Variants in CRMP1 observed in about 807,000 individuals in gnomAD.
CRMP1 encodes dihydropyrimidinase-related protein 1.
Under a neutral mutation model 68.3 loss-of-function variants are expected in CRMP1, and 19 were observed. That is an observed-to-expected ratio of 0.28 (90% CI 0.19 to 0.41). The LOEUF (loss-of-function observed/expected upper bound fraction) is 0.41, where lower values mean the gene tolerates loss of function less well. Ranked by LOEUF, CRMP1 falls within the 10% of genes least tolerant of loss-of-function variation. The probability of loss-of-function intolerance (pLI) is 1.00; values close to 1 mark genes in which losing one functional copy is unlikely to be tolerated. For missense variants in CRMP1, 791 were observed against 967.4 expected (o/e 0.82, Z 2.42); for synonymous variants, 439 against 399.6 (o/e 1.10, Z -1.18).
At chr4:5,832,183 G>A (rs1471359962) in intron 11 of CRMP1, among the ~76,000 whole-genome samples, 1 of 152,200 alleles carries the variant, frequency 6.6e-6, no homozygotes, top group Non-Finnish European at 1.5e-5. Flanking sequence ...GAGAGAGAGG[G>A]ACTGATTGTT....
At chr4:5,840,926 C>G (rs1344269886) in intron 8 of CRMP1, among the ~76,000 whole-genome samples, 1 of 152,020 alleles carries the variant, frequency 6.6e-6, no homozygotes, top group Non-Finnish European at 1.5e-5. Context: ...ATGTGGCCAC[C>G]AATAACCTGA....
Position 5,865,427 on chromosome 4 carries a change from C to T in CRMP1, c.470+1241G>A, listed in dbSNP as rs142275886. ...ACGAGGTCAGGAGATCGAGACCATC[C>T]TGGCCAACATGGTGAAACCCCCGTC... On this transcript the variant is annotated intron_variant, in intron 2 of 13. Transcript: ENST00000324989. This position sits in a 1 kb window ranked among gnomAD's most constrained non-coding sequence, Gnocchi z 4.1. Among the ~76,000 whole-genome samples, 733 of 152,136 alleles carry T rather than the reference C, an allele frequency of 4.8e-3. 7 individuals are homozygous for T. The highest frequency in any genetic ancestry group is 0.017 in the African/African-American group (698 of 41,506).
chr4:5,845,804 T>C lies in CRMP1; in HGVS notation c.964-2643A>G, dbSNP rs11942986. 4.0e-3 allele frequency among the ~76,000 whole-genome samples: 610 copies of C among 152,266 alleles called. 5 individuals carry two copies. Among genetic ancestry groups the C allele is most frequent in the African/African-American group, 0.014 (561 of 41,536 alleles). ...CAGCAAATGAATTCCCAAACAGCAATTTAAATAGCCTTGAATGGACTCTTA... is the reference window on the plus strand; with the variant it reads ...CAGCAAATGAATTCCCAAACAGCAACTTAAATAGCCTTGAATGGACTCTTA... On this transcript the variant is annotated intron_variant, in intron 6 of 13. Coordinates refer to ENST00000324989, the MANE Select transcript of CRMP1 (RefSeq NM_001014809.3).
At chr4:5,844,586 C>T (rs1326942725) in intron 6 of CRMP1, among the ~76,000 whole-genome samples, 1 of 152,194 alleles carries the variant, frequency 6.6e-6, no homozygotes, top group Non-Finnish European at 1.5e-5. Context: ...CAAGAAACTA[C>T]AGAGAAGACC....
chr4:5,882,166 G>A (rs182614585), intron 1 of CRMP1, among the ~76,000 whole-genome samples: 118 of 152,296 alleles, frequency 7.7e-4, no homozygotes, highest in African/African-American at 2.6e-3. Flanking sequence ...CTCTCCCACC[G>A]ATTTAGAGCT....
Position 5,843,819 on chromosome 4 carries a change from C to T in CRMP1, c.964-658G>A, listed in dbSNP as rs1448881622. Among the ~76,000 whole-genome samples, 1 of 152,220 alleles carries T rather than the reference C, an allele frequency of 6.6e-6. No individual in the cohort carries two copies. The highest frequency in any genetic ancestry group is 1.5e-5 in the Non-Finnish European group (1 of 68,038). ...GCTCTCATACCTACTTCAGCTGCCT[C>T]TTCCTGGCATCTGTCTTTATGGCGG... On this transcript the variant is annotated intron_variant, in intron 6 of 13. Transcript: ENST00000324989. The surrounding 1 kb of genome is among the most constrained non-coding windows in gnomAD (Gnocchi z 4.1).
At chr4:5,875,347 A>G (rs1714733635) in intron 1 of CRMP1, among the ~76,000 whole-genome samples, 1 of 151,418 alleles carries the variant, frequency 6.6e-6, no homozygotes, top group Admixed American at 6.6e-5. Flanking sequence ...CATCTCCACC[A>G]TGAAGGTGGA....
At chr4:5,833,946 T>A (rs553805432) in intron 11 of CRMP1, among the ~76,000 whole-genome samples, 37 of 152,286 alleles carry the variant, frequency 2.4e-4, no homozygotes, top group African/African-American at 8.9e-4. Context: ...CTCGGGAGGC[T>A]GAGGCAGGAG....
chr4:5,835,924 A>T lies in CRMP1; in HGVS notation c.1614T>A (p.Ser538Arg). The T allele has an allele frequency of 6.5e-7, 1 of 1,547,904 alleles. No homozygotes were observed. The change falls in exon 11 of 14, where the codon AGT becomes AGA. Residue 538 changes from serine (S) to arginine (R), a missense_variant. Ser to Arg is a moderately radical substitution (Grantham distance 110). Transcript: ENST00000324989. ...PDKLKTITAK[S>R]HKSAVEYNIF... is the part of the protein sequence containing the mutation. ...ATAGGCCAGGACTTACCGACTTGTG[A>T]CTTTTGGCTGTTATGGTCTTCAACT... is the stretch of plus-strand genomic sequence containing the variant.
At chr4:5,828,429 C>A in intron 12 of CRMP1, 60 bp downstream of exon 12, 1 of 1,580,310 alleles carries the variant, frequency 6.3e-7, no homozygotes, top group South Asian at 1.2e-5. Context: ...CTCGATTCCC[C>A]AAGAGACGCT....
chr4:5,845,324 C>T (rs149184980), intron 6 of CRMP1, among the ~76,000 whole-genome samples: 108 of 152,338 alleles, frequency 7.1e-4, no homozygotes, highest in African/African-American at 2.5e-3. Flanking sequence ...TACAGAGACT[C>T]TGGCTTCCGA....
rs1033383374 is a variant in CRMP1, at chr4:5,888,772, C to T, written c.381+3817G>A. 2.6e-5 allele frequency among the ~76,000 whole-genome samples: 4 copies of T among 151,884 alleles called. No individual in the cohort carries two copies. Among genetic ancestry groups the T allele is most frequent in the Admixed American group, 2.6e-4 (4 of 15,288 alleles). On this transcript the variant is annotated intron_variant, in intron 1 of 13. Transcript: ENST00000324989. This position sits in a 1 kb window ranked among gnomAD's most constrained non-coding sequence, Gnocchi z 6.4. ...AGACGGCGCGGTCAGGGCCCGCGGG[C>T]GGCGCCACAGGTGTGTGGCCGCGCG...
intron 1 of CRMP1, among the ~76,000 whole-genome samples, chr4:5,880,027 G>C (rs1056316151): frequency 6.6e-6 from 1 of 152,186 alleles, no homozygotes; most frequent in African/African-American, 2.4e-5. Flanking sequence ...ATAGCAGTGT[G>C]GAAGAAGAAA....
At position 5,870,774 on chromosome 4, in the gene CRMP1, G is replaced by C. The variant is rs966150714; in HGVS notation, c.382-4018C>G. On this transcript the variant is annotated intron_variant, in intron 1 of 13. Transcript: ENST00000324989. The surrounding 1 kb of genome is among the most constrained non-coding windows in gnomAD (Gnocchi z 6.0). ...GCTAAAAAAGATGTGTGCATCCCCA[G>C]AGAGGAAACTCACCAAGCCTCTTGA... is the stretch of plus-strand genomic sequence containing the variant. 6.6e-6 allele frequency among the ~76,000 whole-genome samples: 1 copy of C among 152,222 alleles called. No homozygotes were observed. Among genetic ancestry groups the C allele is most frequent in the Non-Finnish European group, 1.5e-5 (1 of 68,042 alleles).
chr4:5,831,221 A>G (rs1720361858), intron 11 of CRMP1, among the ~76,000 whole-genome samples: 1 of 152,156 alleles, frequency 6.6e-6, no homozygotes, highest in Non-Finnish European at 1.5e-5. Context: ...TGCTGGGTTT[A>G]CAGGCATGAA....
chr4:5,839,796 T>G (rs552335490), intron 8 of CRMP1, 118 bp from the exon 9 acceptor site: 1 of 1,191,490 alleles, frequency 8.4e-7, no homozygotes, highest in African/African-American at 1.6e-5. Flanking sequence ...GCCAGAACAC[T>G]GGCCACCGTT....
At chr4:5,871,457 A>G (rs201211624) in intron 1 of CRMP1, among the ~76,000 whole-genome samples, 2 of 152,088 alleles carry the variant, frequency 1.3e-5, no homozygotes, top group Admixed American at 6.5e-5. Flanking sequence ...TCAGGAGATC[A>G]AGACCATCCT....
In CRMP1 at chr4:5,888,567, C is replaced by T. The variant is rs1470910043; in HGVS notation, c.381+4022G>A. The stretch of plus-strand genomic sequence containing the variant: ...CTCCTCCCGGCGGCGCGGAGCGAAG[C>T]CGGATTCGCCCCTCTCGGCTCGAAC... On this transcript the variant is annotated intron_variant, in intron 1 of 13. Coordinates refer to ENST00000324989, the MANE Select transcript of CRMP1 (RefSeq NM_001014809.3). The surrounding 1 kb of genome is among the most constrained non-coding windows in gnomAD (Gnocchi z 6.4). The T allele has an allele frequency of 5.7e-5, 63 of 1,114,958 alleles. No individual in the cohort carries two copies. The highest frequency in any genetic ancestry group is 6.7e-5 in the Non-Finnish European group (61 of 913,288). The allele number at this position is 1,114,958 out of a possible 1,614,324, so 69.1% of individuals were successfully genotyped here. A position where few individuals can be genotyped will look rare whatever the true frequency, so the allele number is the denominator to read the frequency against.
intron 4 of CRMP1, among the ~76,000 whole-genome samples, chr4:5,852,500 TCTC>T (rs1169699492): frequency 6.6e-6 from 1 of 152,212 alleles, no homozygotes; most frequent in Non-Finnish European, 1.5e-5. Context: ...TCCCTGCTTC[TCTC>T]CTCTTTTCCT....
Sources: gnomAD v4.1 joint callset for allele counts (sites outside exome capture counted in the v4.1 genomes callset) on GRCh38, gnomAD v4.1.1 for gene constraint, Gnocchi (gnomAD v3.1) non-coding constraint, MANE v1.5 for transcripts, NCBI Gene and HGNC (gene_info 2026-07-23, HGNC 2026-07-21) for gene names.